NCAPD2: variants seen among roughly 807,000 people sequenced by gnomAD.
NCAPD2 encodes the protein non-SMC condensin I complex subunit D2.
In NCAPD2, 100 loss-of-function variants were observed where a neutral mutation model predicts 164.5. The ratio of observed to expected loss-of-function variants is 0.61; its 90% CI spans 0.52 to 0.72. The LOEUF is 0.72. Among genes scored for constraint, NCAPD2 ranks in the 30% least tolerant of loss-of-function variants. NCAPD2 has a pLI of 0.00. For synonymous variants in NCAPD2, 585 were observed against 642.6 expected (o/e 0.91, Z 1.36); for missense variants, 1,560 against 1,749.2 (o/e 0.89, Z 1.93).
intron 5 of NCAPD2, 106 bp from the exon 6 acceptor site, chr12:6,511,004 C>T: frequency 1.5e-6 from 2 of 1,346,868 alleles, no homozygotes; most frequent in Non-Finnish European, 2.1e-6. Flanking sequence ...TTCCGTATTA[C>T]CTTCTATGTT....
At chr12:6,494,998 G>T in intron 1 of NCAPD2, 78 bp from the exon 2 acceptor site, 3 of 1,434,162 alleles carry the variant, frequency 2.1e-6, no homozygotes, top group Non-Finnish European at 2.9e-6. Context: ...TATATGTTGG[G>T]GATGGGAAAG....
At chr12:6,512,686 A>G (rs1404312250) in intron 6 of NCAPD2, among the ~76,000 whole-genome samples, 1 of 152,218 alleles carries the variant, frequency 6.6e-6, no homozygotes, top group Non-Finnish European at 1.5e-5. Context: ...TTGTACTTCA[A>G]CAGGGCCATC....
At chr12:6,524,940 G>A (rs895541346) in intron 17 of NCAPD2, among the ~76,000 whole-genome samples, 4 of 152,102 alleles carry the variant, frequency 2.6e-5, no homozygotes, top group Admixed American at 6.5e-5. Context: ...GTCAGTTACC[G>A]GCAAAAGCCC....
Position 6,531,304 on chromosome 12 carries a change from T to C in NCAPD2, c.4121-23T>C. The C allele has an allele frequency of 6.2e-7, 1 of 1,605,404 alleles. No individual in the cohort carries two copies. The highest frequency in any genetic ancestry group is 8.5e-7 in the Non-Finnish European group (1 of 1,175,434). Reference sequence around the variant, plus strand: ...CCATCTTTGTGACTCAGCTTTTTCTTATTCCTTTAATTCTTTGCATAGATC... The same window carrying C: ...CCATCTTTGTGACTCAGCTTTTTCTCATTCCTTTAATTCTTTGCATAGATC... On this transcript the variant is annotated intron_variant, in intron 31 of 31. Transcript: ENST00000315579. The surrounding 1 kb of genome is among the most constrained non-coding windows in gnomAD (Gnocchi z 4.1).
rs1255003949 is a variant in NCAPD2 at position 6,517,786 on chromosome 12, G to T, written c.1416G>T (p.Val472=). The change falls in exon 13 of 32, where the codon GTG becomes GTT. Residue 472 remains valine (V), a synonymous_variant. Transcript: ENST00000315579. The part of the protein sequence containing the change: ...AQRRTAAASA[V]LDPEEEWEAM... ...AGTGACACTCTCATTTAGCTGCAGT[G>T]CTGGACCCAGAGGAGGAGTGGGAAG... is the stretch of plus-strand genomic sequence containing the variant. The T allele has an allele frequency of 6.2e-7, 1 of 1,614,138 alleles. No homozygotes were observed. The highest frequency in any genetic ancestry group is 1.1e-5 in the South Asian group (1 of 91,074).
Position 6,525,522 on chromosome 12 carries a change from G to A in NCAPD2, c.2215-61G>A. ...GGTTCGCAATATCATCTTCAGAAAA[G>A]CAGACCAAAGATCAAGGAATTGTTC... is the stretch of plus-strand genomic sequence containing the variant. On this transcript the variant is annotated intron_variant, in intron 17 of 31. Transcript: ENST00000315579. The A allele has an allele frequency of 3.9e-6, 6 of 1,553,460 alleles. No homozygotes were observed. In the South Asian group the frequency reaches 6.9e-5, roughly 18 times the overall value.
chr12:6,520,346 A>T (rs1218107389), intron 13 of NCAPD2, among the ~76,000 whole-genome samples: 1 of 151,578 alleles, frequency 6.6e-6, no homozygotes, highest in Admixed American at 6.6e-5. Flanking sequence ...GGCTCAAGTG[A>T]TCCTCCCACC....
chr12:6,526,841 G>T, intron 21 of NCAPD2, 50 bp from the exon 22 acceptor site: 1 of 1,557,790 alleles, frequency 6.4e-7, no homozygotes, highest in Non-Finnish European at 8.7e-7. Context: ...CAGGTTTGAT[G>T]GGACTTAAAA....
chr12:6,497,590 C>A (rs1945995637), intron 2 of NCAPD2, among the ~76,000 whole-genome samples: 1 of 151,910 alleles, frequency 6.6e-6, no homozygotes. Context: ...TGAGTCCCTG[C>A]AAAGGACATG....
chr12:6,529,825 T>G lies in NCAPD2; in HGVS notation c.3704T>G (p.Leu1235Arg), dbSNP rs950114293. The change falls in exon 29 of 32, where the codon CTC (leucine) becomes CGC (arginine). Residue 1235 changes from leucine (L) to arginine (R), a missense_variant. Coordinates refer to ENST00000315579, the MANE Select transcript of NCAPD2 (RefSeq NM_014865.4). ...DLAYCVSQLP[L>R]TERGLRKMLD... Reference sequence around the variant, plus strand: ...GCCTACTGTGTGTCACAGCTGCCCCTCACAGAGCGAGGCCTCCGTAAGATG... The same window carrying G: ...GCCTACTGTGTGTCACAGCTGCCCCGCACAGAGCGAGGCCTCCGTAAGATG... 5 of 1,614,230 alleles carry G rather than the reference T, an allele frequency of 3.1e-6. No homozygotes were observed. Among genetic ancestry groups the G allele is most frequent in the East Asian group, 4.5e-5 (2 of 44,892 alleles).
chr12:6,517,040 T>C lies in NCAPD2; in HGVS notation c.1185+15T>C, dbSNP rs1437830226. ...TCCAGCAGAAGGTAACCAACTTCTA[T>C]GTGGCAAAAACATATGGTACCTCTC... On this transcript the variant is annotated intron_variant, in intron 10 of 31. Coordinates refer to ENST00000315579, the MANE Select transcript of NCAPD2 (RefSeq NM_014865.4). 38 of 1,613,332 alleles carry C rather than the reference T, an allele frequency of 2.4e-5. No homozygotes were observed. The highest frequency in any genetic ancestry group is 3.0e-5 in the Non-Finnish European group (35 of 1,179,356).
At position 6,525,620 on chromosome 12, in the gene NCAPD2, C is replaced by T; in HGVS notation, c.2252C>T (p.Ala751Val). 1 of 1,613,094 alleles carries T rather than the reference C, an allele frequency of 6.2e-7. No homozygotes were observed. Among genetic ancestry groups the T allele is most frequent in the South Asian group, 1.1e-5 (1 of 91,076 alleles). The change falls in exon 18 of 32, where the codon GCA becomes GTA. Residue 751 changes from alanine (A) to valine (V), a missense_variant. Coordinates refer to ENST00000315579, the MANE Select transcript of NCAPD2 (RefSeq NM_014865.4). ...EFVQKDELKPAVTQLLWERAT... is the reference protein window; with the variant it reads ...EFVQKDELKPVVTQLLWERAT... ...GTGCAGAAGGATGAGTTGAAACCAG[C>T]AGTGACCCAGCTGCTGTGGGAGCGG...
rs201167890 is a variant in NCAPD2 at position 6,530,730 on chromosome 12, C to T, written c.3877C>T (p.His1293Tyr). 2 of 1,614,174 alleles carry T rather than the reference C, an allele frequency of 1.2e-6. No individual in the cohort carries two copies. Among genetic ancestry groups the T allele is most frequent in the East Asian group, 4.5e-5 (2 of 44,884 alleles). Residue 1293 changes from histidine (H) to tyrosine (Y), a missense_variant, in exon 30 of 32, where the codon CAT becomes TAT. By Grantham distance (83) the His-to-Tyr change is moderately conservative. Transcript: ENST00000315579. ...ATTTGAGCAGAAGCTTCGGGCCTGT[C>T]ATACCAGAGGTTTGGATGGAATCAA... ...DEFEQKLRACHTRGLDGIKEL... is the reference protein window; with the variant it reads ...DEFEQKLRACYTRGLDGIKEL...
chr12:6,517,102 T>C, intron 10 of NCAPD2, 77 bp downstream of exon 10: 2 of 1,506,788 alleles, frequency 1.3e-6, no homozygotes, highest in Non-Finnish European at 1.8e-6. Flanking sequence ...GTGTTGAAGA[T>C]AAATATCTGC....
chr12:6,513,733 T>TTTTTTTTTTTTTTTTTTTTGC (rs1946173101), intron 6 of NCAPD2, among the ~76,000 whole-genome samples: 2 of 124,238 alleles, frequency 1.6e-5, no homozygotes, highest in Non-Finnish European at 1.7e-5. Context: ...TTTTTTTTTT[T>TTTTTTTTTTTTTTTTTTTTGC]GTGATGGAGT....
At chr12:6,504,462 G>A (rs1459881590) in intron 2 of NCAPD2, among the ~76,000 whole-genome samples, 7 of 151,730 alleles carry the variant, frequency 4.6e-5, no homozygotes, top group Admixed American at 3.9e-4. Context: ...GCGCGATCTC[G>A]GCTCACTGCA....
chr12:6,497,485 G>A (rs1184187437), intron 2 of NCAPD2, among the ~76,000 whole-genome samples: 4 of 151,886 alleles, frequency 2.6e-5, no homozygotes, highest in Non-Finnish European at 4.4e-5. Flanking sequence ...CCATTGTGTT[G>A]TTCCCCTCCC....
intron 6 of NCAPD2, among the ~76,000 whole-genome samples, chr12:6,511,503 T>C (rs1292857706): frequency 6.6e-6 from 1 of 152,106 alleles, no homozygotes; most frequent in Non-Finnish European, 1.5e-5. Context: ...CTGATTTTTG[T>C]ATTTTTAATA....
chr12:6,528,638 C>A lies in NCAPD2; in HGVS notation c.3300-41C>A, dbSNP rs758654379. ...TTTTCTACCAGTGTTAGGGTGTAGCCCGGAGGTCTCGGTCCCCATGACCCG... is the reference window on the plus strand; with the variant it reads ...TTTTCTACCAGTGTTAGGGTGTAGCACGGAGGTCTCGGTCCCCATGACCCG... On this transcript the variant is annotated intron_variant, in intron 25 of 31. Transcript: ENST00000315579. This position sits in a 1 kb window ranked among gnomAD's most constrained non-coding sequence, Gnocchi z 5.1. 1 of 1,588,938 alleles carries A rather than the reference C, an allele frequency of 6.3e-7. No individual in the cohort carries two copies. Among genetic ancestry groups the A allele is most frequent in the Non-Finnish European group, 8.6e-7 (1 of 1,162,320 alleles).
Sources: gnomAD v4.1 joint callset for allele counts (sites outside exome capture counted in the v4.1 genomes callset) on GRCh38, gnomAD v4.1.1 for gene constraint, Gnocchi (gnomAD v3.1) non-coding constraint, MANE v1.5 for transcripts, NCBI Gene and HGNC (gene_info 2026-07-23, HGNC 2026-07-21) for gene names.